MOB3B: variants seen among roughly 807,000 people sequenced by gnomAD.
MOB3B encodes MOB kinase activator-like 2B.
In MOB3B, 7 loss-of-function variants were observed where a neutral mutation model predicts 18.7. The ratio of observed to expected loss-of-function variants is 0.37; its 90% CI spans 0.21 to 0.70. The LOEUF (loss-of-function observed/expected upper bound fraction) is 0.70, where lower values mean the gene tolerates loss of function less well. Among genes scored for constraint, MOB3B ranks in the 30% least tolerant of loss-of-function variants. The pLI is 0.52. For missense variants in MOB3B, 253 were observed against 281.3 expected, an observed-to-expected ratio of 0.90 and a Z score of 0.72; for synonymous variants, 111 against 99.9, an observed-to-expected ratio of 1.11 and a Z score of -0.66.
At chr9:27,367,024 T>A (rs1328959328) in intron 2 of MOB3B, among the ~76,000 whole-genome samples, 1 of 152,230 alleles carries the variant, frequency 6.6e-6, no homozygotes, top group Non-Finnish European at 1.5e-5. Context: ...TGCTCCAGAC[T>A]GGCCACTCTG....
intron 2 of MOB3B, among the ~76,000 whole-genome samples, chr9:27,425,258 C>T (rs1587203625): frequency 6.6e-6 from 1 of 151,946 alleles, no homozygotes; most frequent in Admixed American, 6.6e-5. Flanking sequence ...GCCTGCAATC[C>T]CAGCTACTCG....
chr9:27,500,348 A>G (rs1018257302), intron 1 of MOB3B, among the ~76,000 whole-genome samples: 8 of 152,012 alleles, frequency 5.3e-5, no homozygotes, highest in African/African-American at 1.9e-4. Context: ...GTCCTCACTT[A>G]GACAAAAGGC....
intron 2 of MOB3B, among the ~76,000 whole-genome samples, chr9:27,375,311 C>T (rs1003368913): frequency 6.6e-6 from 1 of 152,174 alleles, no homozygotes; most frequent in Non-Finnish European, 1.5e-5. Context: ...GTGCAGAAGG[C>T]ACCATTTACT....
intron 2 of MOB3B, among the ~76,000 whole-genome samples, chr9:27,363,715 G>C (rs1821306282): frequency 6.6e-6 from 1 of 152,080 alleles, no homozygotes; most frequent in Admixed American, 6.5e-5. Context: ...GTCAGGGAAG[G>C]TGAGGGACAA....
Position 27,493,557 on chromosome 9 carries a change from C to T in MOB3B, c.-199+35998G>A, listed in dbSNP as rs1399720963. Among the ~76,000 whole-genome samples, 15 of 152,132 alleles carry T rather than the reference C, an allele frequency of 9.9e-5. No individual in the cohort carries two copies. The East Asian group carries it at 1.5e-3, about 16-fold the overall frequency. On this transcript the variant is annotated intron_variant, in intron 1 of 3. Transcript: ENST00000262244. ...TCGGGAGGCTGAGGCAGGAGAATGGCGTGAACCTGGGAGGTGAAGGTTGCA... is the reference window on the plus strand; with the variant it reads ...TCGGGAGGCTGAGGCAGGAGAATGGTGTGAACCTGGGAGGTGAAGGTTGCA...
intron 1 of MOB3B, chr9:27,525,098 ACACTCAC>A (rs1820415398): frequency 2.9e-6 from 2 of 700,266 alleles, no homozygotes; most frequent in Admixed American, 3.1e-5. Flanking sequence ...AACATCAGGG[ACACTCAC>A]CTCTCTAAGG....
intron 2 of MOB3B, among the ~76,000 whole-genome samples, chr9:27,423,427 A>T (rs1257505600): frequency 2.1e-5 from 3 of 140,270 alleles, no homozygotes; most frequent in Non-Finnish European, 3.0e-5. Flanking sequence ...CTTACCTAAG[A>T]TTTAAGTCAC....
chr9:27,408,044 T>C lies in MOB3B; in HGVS notation c.418+47089A>G, dbSNP rs137898803. Among the ~76,000 whole-genome samples the C allele has an allele frequency of 2.5e-3, 380 of 152,312 alleles. 6 individuals carry two copies. Among genetic ancestry groups the C allele is most frequent in the African/African-American group, 8.8e-3 (365 of 41,566 alleles). ...GTTTCTGGCCACTGAGCCCGATGCT[T>C]GGGACATCAATGGCTCACTGATGCC... On this transcript the variant is annotated intron_variant, in intron 2 of 3. Coordinates refer to ENST00000262244, the MANE Select transcript of MOB3B (RefSeq NM_024761.5).
At chr9:27,338,343 A>G (rs1222740254) in intron 3 of MOB3B, among the ~76,000 whole-genome samples, 1 of 152,124 alleles carries the variant, frequency 6.6e-6, no homozygotes. Flanking sequence ...GAGACAGAGC[A>G]ATTCCCAGAA....
chr9:27,349,183 C>T (rs150927673), intron 3 of MOB3B, among the ~76,000 whole-genome samples: 6 of 152,330 alleles, frequency 3.9e-5, no homozygotes, highest in African/African-American at 1.4e-4. Flanking sequence ...TCCAGTACCA[C>T]ATTATAGCTT....
At chr9:27,335,561 A>C (rs760731089) in intron 3 of MOB3B, among the ~76,000 whole-genome samples, 3 of 152,166 alleles carry the variant, frequency 2.0e-5, no homozygotes, top group Non-Finnish European at 4.4e-5. Flanking sequence ...TCTCCACTGT[A>C]ACATACGATG....
chr9:27,475,061 T>G (rs1819532997), intron 1 of MOB3B, among the ~76,000 whole-genome samples: 1 of 152,176 alleles, frequency 6.6e-6, no homozygotes, highest in South Asian at 2.1e-4. Context: ...CTGTGACCTC[T>G]CTTGCTCACA....
At chr9:27,524,461 G>A (rs1820396717) in intron 1 of MOB3B, 1 of 1,613,902 alleles carries the variant, frequency 6.2e-7, no homozygotes, top group Non-Finnish European at 8.5e-7. Context: ...AGAGTCACCT[G>A]GCAAAATCTG....
intron 1 of MOB3B, among the ~76,000 whole-genome samples, chr9:27,490,253 G>A (rs903226388): frequency 2.0e-5 from 3 of 152,266 alleles, no homozygotes; most frequent in South Asian, 2.1e-4. Flanking sequence ...CGTATCAGGC[G>A]AAGTTCTAGA....
intron 2 of MOB3B, among the ~76,000 whole-genome samples, chr9:27,404,785 T>A (rs944088944): frequency 6.6e-6 from 1 of 152,208 alleles, no homozygotes; most frequent in African/African-American, 2.4e-5. Flanking sequence ...TACTCAGCAA[T>A]GGGATTGCTG....
intron 1 of MOB3B, among the ~76,000 whole-genome samples, chr9:27,529,040 G>T (rs997562734): frequency 6.6e-6 from 1 of 152,078 alleles, no homozygotes; most frequent in Non-Finnish European, 1.5e-5. Context: ...CCCCGGGGGC[G>T]ACCTGGCTGA....
At chr9:27,360,598 A>G (rs990574702) in intron 2 of MOB3B, among the ~76,000 whole-genome samples, 1 of 152,216 alleles carries the variant, frequency 6.6e-6, no homozygotes, top group East Asian at 1.9e-4. Flanking sequence ...AAAATTGTAG[A>G]ACTATGCACG....
intron 2 of MOB3B, among the ~76,000 whole-genome samples, chr9:27,410,311 C>T (rs927199518): frequency 6.6e-5 from 10 of 152,034 alleles, no homozygotes; most frequent in African/African-American, 1.7e-4. Context: ...CCAATGGGGT[C>T]ATTTATTCCT....
At chr9:27,363,564 G>A (rs1051817240) in intron 2 of MOB3B, among the ~76,000 whole-genome samples, 6 of 150,560 alleles carry the variant, frequency 4.0e-5, no homozygotes, top group African/African-American at 1.0e-4. Flanking sequence ...CACCACGCCC[G>A]GCTCAGTTTT....
Sources: allele counts gnomAD v4.1 joint callset (sites outside exome capture counted in the v4.1 genomes callset), GRCh38; gene constraint gnomAD v4.1.1; transcripts MANE v1.5; gene names NCBI Gene and HGNC (gene_info 2026-07-23, HGNC 2026-07-21).